Variants in TMEM178B observed in about 807,000 individuals in gnomAD.
TMEM178B encodes the protein transmembrane protein 178B.
A neutral mutation model predicts 31.0 loss-of-function variants in TMEM178B; 5 were observed. The ratio of observed to expected loss-of-function variants is 0.16; its 90% CI spans 0.08 to 0.34. The LOEUF (loss-of-function observed/expected upper bound fraction) is 0.34. Among genes scored for constraint, TMEM178B ranks in the 10% least tolerant of loss-of-function variants. TMEM178B has a pLI of 1.00. For missense variants in TMEM178B, 275 were observed against 400.3 expected, an observed-to-expected ratio of 0.69 and a Z score of 2.67; for synonymous variants, 164 against 164.0, an observed-to-expected ratio of 1.00 and a Z score of 0.00.
intron 2 of TMEM178B, among the ~76,000 whole-genome samples, chr7:141,345,694 G>A (rs1476028530): frequency 6.6e-6 from 1 of 152,100 alleles, no homozygotes; most frequent in African/African-American, 2.4e-5. Context: ...CTTATCTCTC[G>A]AAGAAAAAAG....
intron 2 of TMEM178B, chr7:141,352,827 T>G (rs1420306047): frequency 6.6e-6 from 1 of 152,396 alleles, no homozygotes; most frequent in Non-Finnish European, 1.5e-5. Context: ...ACTGTATTTC[T>G]GAAATAAAGT....
intron 2 of TMEM178B, among the ~76,000 whole-genome samples, chr7:141,417,528 G>A (rs1206333508): frequency 6.6e-6 from 1 of 152,214 alleles, no homozygotes; most frequent in Non-Finnish European, 1.5e-5. Context: ...ACTAAGTGAG[G>A]GGTCCCACCC....
At chr7:141,397,377 G>A (rs1418952067) in intron 2 of TMEM178B, among the ~76,000 whole-genome samples, 1 of 152,166 alleles carries the variant, frequency 6.6e-6, no homozygotes, top group Non-Finnish European at 1.5e-5. Context: ...GGCAAATCAG[G>A]TCAGGAGTAA....
chr7:141,244,581 G>C (rs1448268063), intron 2 of TMEM178B, among the ~76,000 whole-genome samples: 1 of 152,222 alleles, frequency 6.6e-6, no homozygotes, highest in East Asian at 1.9e-4. Flanking sequence ...GAGGCTGTGA[G>C]AAGGAGTAAT....
chr7:141,198,425 A>G (rs530504319), intron 1 of TMEM178B, among the ~76,000 whole-genome samples: 1 of 152,332 alleles, frequency 6.6e-6, no homozygotes, highest in East Asian at 1.9e-4. Flanking sequence ...CTCATGAACA[A>G]TCATTTTACT....
intron 3 of TMEM178B, among the ~76,000 whole-genome samples, chr7:141,450,765 A>G (rs1447351992): frequency 1.3e-5 from 2 of 152,150 alleles, no homozygotes; most frequent in Non-Finnish European, 2.9e-5. Flanking sequence ...CTGTTCCAAC[A>G]TTATCTCCTT....
intron 1 of TMEM178B, among the ~76,000 whole-genome samples, chr7:141,097,613 G>C (rs1255536344): frequency 6.6e-6 from 1 of 151,572 alleles, no homozygotes; most frequent in Non-Finnish European, 1.5e-5. Flanking sequence ...AGCGATACGG[G>C]GTCTGTCCAT....
chr7:141,289,728 A>AAAG (rs1563142356), intron 2 of TMEM178B, among the ~76,000 whole-genome samples: 1 of 150,960 alleles, frequency 6.6e-6, no homozygotes, highest in African/African-American at 2.4e-5. Flanking sequence ...AAAAAAAAAA[A>AAAG]AAAGAAAAAA....
the TMEM178B span, among the ~76,000 whole-genome samples, chr7:141,492,630 G>A: frequency 2.0e-5 from 3 of 152,182 alleles, no homozygotes; most frequent in Admixed American, 2.0e-4. Context: ...AAAAGAGGTG[G>A]GAACGACAGA....
intron 2 of TMEM178B, among the ~76,000 whole-genome samples, chr7:141,401,439 G>A (rs1401328066): frequency 2.6e-5 from 4 of 152,110 alleles, no homozygotes; most frequent in African/African-American, 9.7e-5. Context: ...TTAGAGACAG[G>A]GTCTTGCTCT....
intron 2 of TMEM178B, among the ~76,000 whole-genome samples, chr7:141,376,283 A>G (rs1250223551): frequency 6.6e-6 from 1 of 152,240 alleles, no homozygotes; most frequent in Non-Finnish European, 1.5e-5. Context: ...TTATTGGTTT[A>G]GGCAAGTATT....
In TMEM178B at chr7:141,167,953, C is replaced by T. The variant is rs534970554; in HGVS notation, c.383-44638C>T. 5.9e-5 allele frequency among the ~76,000 whole-genome samples: 9 copies of T among 152,332 alleles called. No homozygotes were observed. The East Asian group carries it at 9.6e-4, about 16-fold the overall frequency. ...CTCATAATCATTTGGCTTCCTTTCA[C>T]GCTTTCATGCACTCACTTAGCTCCA... On this transcript the variant is annotated intron_variant, in intron 1 of 3. Transcript: ENST00000565468.
At chr7:141,208,478 A>G (rs1206819727) in intron 1 of TMEM178B, among the ~76,000 whole-genome samples, 3 of 152,250 alleles carry the variant, frequency 2.0e-5, no homozygotes, top group African/African-American at 4.8e-5. Context: ...AAAGCCCAGC[A>G]CACTGACAGG....
chr7:141,273,683 T>C (rs574778011), intron 2 of TMEM178B, among the ~76,000 whole-genome samples: 29 of 151,824 alleles, frequency 1.9e-4, no homozygotes, highest in African/African-American at 7.0e-4. Context: ...CTTGTATTTA[T>C]TCTCTCATTG....
intron 2 of TMEM178B, among the ~76,000 whole-genome samples, chr7:141,223,640 G>T (rs1797291942): frequency 6.6e-6 from 1 of 152,084 alleles, no homozygotes; most frequent in Non-Finnish European, 1.5e-5. Flanking sequence ...CTGGGAGTTT[G>T]GGGGTGGGGA....
rs141857539 is a variant in TMEM178B, at chr7:141,235,985, A to T, written c.496+23281A>T. 7.4e-3 allele frequency among the ~76,000 whole-genome samples: 1,129 copies of T among 152,244 alleles called. 18 individuals carry two copies. Among genetic ancestry groups the T allele is most frequent in the African/African-American group, 0.026 (1,066 of 41,532 alleles). On this transcript the variant is annotated intron_variant, in intron 2 of 3. Coordinates refer to ENST00000565468, the MANE Select transcript of TMEM178B (RefSeq NM_001195278.2). ...AGCCTGTCCACTGTTTAGTTTTCTG[A>T]TGAGAGCAAACAGAGGAGTGTAACA... is the stretch of plus-strand genomic sequence containing the variant.
intron 1 of TMEM178B, among the ~76,000 whole-genome samples, chr7:141,114,238 C>G (rs1317801264): frequency 6.6e-6 from 1 of 152,256 alleles, no homozygotes; most frequent in Admixed American, 6.5e-5. Context: ...CCATCTTGTA[C>G]TCTGATCATT....
intron 2 of TMEM178B, among the ~76,000 whole-genome samples, chr7:141,227,094 G>A (rs1797355821): frequency 6.6e-6 from 1 of 152,180 alleles, no homozygotes; most frequent in Non-Finnish European, 1.5e-5. Context: ...GCTGGGCAGT[G>A]AGAGAGACAC....
intron 2 of TMEM178B, among the ~76,000 whole-genome samples, chr7:141,306,333 C>G (rs1798815465): frequency 6.6e-6 from 1 of 152,060 alleles, no homozygotes; most frequent in Non-Finnish European, 1.5e-5. Context: ...GGAGGGATGC[C>G]CTTTGCTGAA....
Sources: allele counts gnomAD v4.1 joint callset (sites outside exome capture counted in the v4.1 genomes callset), GRCh38; gene constraint gnomAD v4.1.1; transcripts MANE v1.5; gene names NCBI Gene and HGNC (gene_info 2026-07-23, HGNC 2026-07-21).